Variants in DPF3 observed in about 807,000 individuals in gnomAD.
The protein encoded by DPF3 is zinc finger protein DPF3.
A neutral mutation model predicts 56.8 loss-of-function variants in DPF3; 18 were observed. That is an observed-to-expected ratio of 0.32 (90% CI 0.22 to 0.47). DPF3 has a LOEUF of 0.47. Among genes scored for constraint, DPF3 ranks in the 20% least tolerant of loss-of-function variants. The probability of loss-of-function intolerance (pLI) is 1.00; values close to 1 mark genes in which losing one functional copy is unlikely to be tolerated. For synonymous variants in DPF3, 188 were observed against 180.2 expected, an observed-to-expected ratio of 1.04 and a Z score of -0.35; for missense variants, 403 against 488.8, an observed-to-expected ratio of 0.82 and a Z score of 1.65.
At chr14:72,764,318 T>C (rs1295355507) in intron 2 of DPF3, among the ~76,000 whole-genome samples, 1 of 152,110 alleles carries the variant, frequency 6.6e-6, no homozygotes, top group African/African-American at 2.4e-5. Context: ...TTTGGGTTGA[T>C]GAACATGTGG....
intron 9 of DPF3, among the ~76,000 whole-genome samples, chr14:72,621,281 C>G (rs1759059198): frequency 6.6e-6 from 1 of 152,224 alleles, no homozygotes; most frequent in Non-Finnish European, 1.5e-5. Context: ...ATCACTGCAT[C>G]CACTGTAGAG....
rs1885343418 is a variant in DPF3 at position 72,634,890 on chromosome 14, C to T, written c.872-5154G>A. 2.6e-5 allele frequency among the ~76,000 whole-genome samples: 4 copies of T among 152,086 alleles called. No individual in the cohort carries two copies. In the South Asian group the frequency reaches 8.3e-4, roughly 32 times the overall value. Reference sequence around the variant, plus strand: ...AGAGCATTTATAAGATTCCAATTACCAAAATGAATTTAGAAAATGGTGCAC... The same window carrying T: ...AGAGCATTTATAAGATTCCAATTACTAAAATGAATTTAGAAAATGGTGCAC... On this transcript the variant is annotated intron_variant, in intron 8 of 10. Transcript: ENST00000556509.
At chr14:72,653,174 G>A (rs925349968) in intron 8 of DPF3, among the ~76,000 whole-genome samples, 1 of 152,218 alleles carries the variant, frequency 6.6e-6, no homozygotes, top group African/African-American at 2.4e-5. Flanking sequence ...CACAGCTTTG[G>A]CCTGAGTCAC....
At position 72,618,068 on chromosome 14, in the gene DPF3, G is replaced by T. The variant is rs76902941; in HGVS notation, c.*1229C>A. Reference sequence around the variant, plus strand: ...CTTTCTTCTAGACACATTTTTTTTTGAAAACAAGAGTCCTGCATGTTTGGG... The same window carrying T: ...CTTTCTTCTAGACACATTTTTTTTTTAAAACAAGAGTCCTGCATGTTTGGG... On this transcript the variant is annotated 3_prime_UTR_variant, in exon 11 of 11. Transcript: ENST00000556509. 0.09 allele frequency among the ~76,000 whole-genome samples: 12,924 copies of T among 144,246 alleles called. 882 individuals are homozygous for T. The highest frequency in any genetic ancestry group is 0.28 in the East Asian group (1,318 of 4,724). The allele number at this position is 144,246 out of a possible 152,430, so 94.6% of individuals were successfully genotyped here. A position where few individuals can be genotyped will look rare whatever the true frequency, so the allele number is the denominator to read the frequency against.
At chr14:72,804,724 AATC>A (rs1283646007) in intron 1 of DPF3, among the ~76,000 whole-genome samples, 2 of 152,126 alleles carry the variant, frequency 1.3e-5, no homozygotes, top group Admixed American at 1.3e-4. Flanking sequence ...AAGGTAGTTG[AATC>A]TGATTCAACT....
intron 8 of DPF3, among the ~76,000 whole-genome samples, chr14:72,649,821 C>T (rs894277363): frequency 6.6e-6 from 1 of 152,196 alleles, no homozygotes; most frequent in Non-Finnish European, 1.5e-5. Context: ...AAGCTCAGAA[C>T]AGCTAAGTAA....
rs1884203502 is a variant in DPF3, at chr14:72,618,119, C to T, written c.*1178G>A. Among the ~76,000 whole-genome samples, 3 of 152,074 alleles carry T rather than the reference C, an allele frequency of 2.0e-5. No individual in the cohort carries two copies. The highest frequency in any genetic ancestry group is 1.3e-4 in the Admixed American group (2 of 15,270). On this transcript the variant is annotated 3_prime_UTR_variant, in exon 11 of 11. Transcript: ENST00000556509. Reference sequence around the variant, plus strand: ...GAGCTTAGGAGACAAGAGCAGCCCCCGCACTGAGAGTTCTAAAATGTGGCC... The same window carrying T: ...GAGCTTAGGAGACAAGAGCAGCCCCTGCACTGAGAGTTCTAAAATGTGGCC...
rs1883623612 is a variant in DPF3, at chr14:72,609,883, T to C, written c.*9414A>G. ...TGTCAGACTCAGTCCTGGTCTGAAG[T>C]ACCAAAGCAGCCCAAGGCAAAACCT... is the stretch of plus-strand genomic sequence containing the variant. On this transcript the variant is annotated 3_prime_UTR_variant, in exon 11 of 11. Coordinates refer to ENST00000556509, the MANE Select transcript of DPF3 (RefSeq NM_001280542.3). Among the ~76,000 whole-genome samples the C allele has an allele frequency of 6.6e-6, 1 of 152,214 alleles. No individual in the cohort carries two copies. Among genetic ancestry groups the C allele is most frequent in the African/African-American group, 2.4e-5 (1 of 41,458 alleles).
intron 1 of DPF3, among the ~76,000 whole-genome samples, chr14:72,792,478 G>A (rs1033417757): frequency 1.2e-4 from 18 of 152,068 alleles, no homozygotes; most frequent in African/African-American, 3.4e-4. Context: ...TGTTGGGAGC[G>A]ATTCTTGGAG....
rs148864617 is a variant in DPF3, at chr14:72,681,067, C to T, written c.743-6699G>A. Among the ~76,000 whole-genome samples, 5 of 152,338 alleles carry T rather than the reference C, an allele frequency of 3.3e-5. No homozygotes were observed. The East Asian group carries it at 9.6e-4, about 29-fold the overall frequency. On this transcript the variant is annotated intron_variant, in intron 7 of 10. Coordinates refer to ENST00000556509, the MANE Select transcript of DPF3 (RefSeq NM_001280542.3). ...ATGAGTAACACCTGAGGGCAGGAACCATGTCCTTCACTGCGGTATCCCTGG... is the reference window on the plus strand; with the variant it reads ...ATGAGTAACACCTGAGGGCAGGAACTATGTCCTTCACTGCGGTATCCCTGG...
intron 1 of DPF3, among the ~76,000 whole-genome samples, chr14:72,866,217 CCTCTTCCACAGA>C (rs565417493): frequency 3.3e-5 from 5 of 152,078 alleles, no homozygotes; most frequent in Non-Finnish European, 7.4e-5. Context: ...CCCACCACCA[CCTCTTCCACAGA>C]CTGAGGTCAC....
chr14:72,741,032 C>T (rs73302109), intron 3 of DPF3, among the ~76,000 whole-genome samples: 6,959 of 152,054 alleles, frequency 0.046, 496 homozygotes, highest in African/African-American at 0.16. Context: ...CAGCAAGGCC[C>T]GTCTCTAAAA....
chr14:72,702,324 G>A (rs1326239329), intron 6 of DPF3, among the ~76,000 whole-genome samples: 1 of 152,136 alleles, frequency 6.6e-6, no homozygotes, highest in Middle Eastern at 3.2e-3. Flanking sequence ...TGGGCACTGT[G>A]CTATACAGGG....
chr14:72,645,779 T>G (rs1885705796), intron 8 of DPF3, among the ~76,000 whole-genome samples: 1 of 151,866 alleles, frequency 6.6e-6, no homozygotes. Context: ...TCCCACACCC[T>G]CAACGCTCCT....
At chr14:72,851,774 C>T (rs2140084729) in intron 1 of DPF3, among the ~76,000 whole-genome samples, 1 of 152,338 alleles carries the variant, frequency 6.6e-6, no homozygotes, top group East Asian at 1.9e-4. Flanking sequence ...GGATCTGTTC[C>T]TCCCCGTGTG....
intron 7 of DPF3, among the ~76,000 whole-genome samples, chr14:72,680,349 T>C (rs1355782006): frequency 6.6e-6 from 1 of 152,210 alleles, no homozygotes; most frequent in East Asian, 1.9e-4. Context: ...CCTTGGCCAC[T>C]AATAGCAACT....
chr14:72,723,674 C>T lies in DPF3; in HGVS notation c.484G>A (p.Glu162Lys). The T allele has an allele frequency of 6.3e-7, 1 of 1,591,398 alleles. No homozygotes were observed. ...TTCTTTCGCTTGGGAATATCCTCTT[C>T]CAAATCCTCTTCTTCATTCCCTTCT... ...VEEGNEEEDL[E>K]EDIPKRKNRT... The change falls in exon 5 of 11, where the codon GAA becomes AAA. Residue 162 changes from glutamate to lysine, a missense_variant. Coordinates refer to ENST00000556509, the MANE Select transcript of DPF3 (RefSeq NM_001280542.3).
intron 1 of DPF3, among the ~76,000 whole-genome samples, chr14:72,787,488 C>T (rs548975064): frequency 1.3e-5 from 2 of 152,288 alleles, no homozygotes; most frequent in East Asian, 3.9e-4. Context: ...AGGCCAACCA[C>T]GTGGCACCCG....
intron 3 of DPF3, among the ~76,000 whole-genome samples, chr14:72,752,907 G>A (rs779259069): frequency 6.6e-6 from 1 of 152,188 alleles, no homozygotes; most frequent in South Asian, 2.1e-4. Flanking sequence ...ACTGGGCCAA[G>A]ATTTCTTTAC....
Sources: gnomAD v4.1 joint callset for allele counts (sites outside exome capture counted in the v4.1 genomes callset) on GRCh38, gnomAD v4.1.1 for gene constraint, MANE v1.5 for transcripts, NCBI Gene and HGNC (gene_info 2026-07-23, HGNC 2026-07-21) for gene names.